The following FER1L6 variants were observed in gnomAD, a reference collection of about 807,000 sequenced individuals.
The protein encoded by FER1L6 is fer-1 like family member 6.
FER1L6 carries 177 observed loss-of-function variants against 219.2 expected under a neutral mutation model. The ratio of observed to expected loss-of-function variants is 0.81; its 90% CI spans 0.71 to 0.91. FER1L6 has a LOEUF of 0.91. Ranked by LOEUF, FER1L6 falls within the 40% of genes least tolerant of loss-of-function variation. The pLI is 0.00. For synonymous variants in FER1L6, 768 were observed against 824.3 expected, an observed-to-expected ratio of 0.93 and a Z score of 1.17; for missense variants, 2,153 against 2,259.9, an observed-to-expected ratio of 0.95 and a Z score of 0.96.
intron 22 of FER1L6, among the ~76,000 whole-genome samples, chr8:124,051,164 G>A (rs980845418): frequency 2.6e-5 from 4 of 152,218 alleles, no homozygotes; most frequent in African/African-American, 7.2e-5. Context: ...TCTCTTGGTC[G>A]CATGAAGATA....
intron 37 of FER1L6, among the ~76,000 whole-genome samples, chr8:124,098,950 T>C (rs1243456901): frequency 6.6e-6 from 1 of 152,202 alleles, no homozygotes; most frequent in Admixed American, 6.5e-5. Flanking sequence ...AAAAAATTAG[T>C]CCTTATTGCA....
In FER1L6 at chr8:124,076,343, CTG is replaced by C. The variant is rs147131096; in HGVS notation, c.4220+22_4220+23del. 3.6e-3 allele frequency: 5,733 copies of C among 1,610,694 alleles called. 171 individuals carry two copies. The African/African-American group carries it at 0.068, about 19-fold the overall frequency. On this transcript the variant is annotated intron_variant, in intron 32 of 40. Transcript: ENST00000522917. ...TTTGGAAGGTCAGTGGCCATCTGGG[CTG>C]TGTTTTATTGTCCTTTCTGCATTTG...
At chr8:123,928,040 G>T (rs1319384659) in intron 1 of FER1L6, among the ~76,000 whole-genome samples, 1 of 152,122 alleles carries the variant, frequency 6.6e-6, no homozygotes, top group East Asian at 1.9e-4. Context: ...AGGAATATAA[G>T]AAGGTTTCAT....
chr8:123,953,423 A>G (rs1002905099), intron 1 of FER1L6, among the ~76,000 whole-genome samples: 3 of 152,192 alleles, frequency 2.0e-5, no homozygotes, highest in African/African-American at 4.8e-5. Flanking sequence ...GGTTCGAGAT[A>G]TCAGTATTTT....
chr8:123,928,459 G>A (rs975669523), intron 1 of FER1L6, among the ~76,000 whole-genome samples: 34 of 152,312 alleles, frequency 2.2e-4, no homozygotes, highest in Admixed American at 1.6e-3. Flanking sequence ...CTGCTGTGGG[G>A]AAGGGCAAAT....
At chr8:123,900,740 T>A (rs1812841275) in intron 1 of FER1L6, among the ~76,000 whole-genome samples, 1 of 152,242 alleles carries the variant, frequency 6.6e-6, no homozygotes, top group Admixed American at 6.5e-5. Flanking sequence ...GAATGCTTTT[T>A]CTGCATCTGT....
rs1823007982 is a variant in FER1L6, at chr8:124,111,151, CT to C, written c.5290-7691del. On this transcript the variant is annotated intron_variant, in intron 39 of 40. Coordinates refer to ENST00000522917, the MANE Select transcript of FER1L6 (RefSeq NM_001039112.2). This position sits in a 1 kb window ranked among gnomAD's most constrained non-coding sequence, Gnocchi z 5.0. The stretch of plus-strand genomic sequence containing the variant: ...TACGTTACAGAGAGAAGAGAAAGTA[CT>C]TACAACTTTTCTAAAGTAAATGCTC... 6.6e-6 allele frequency among the ~76,000 whole-genome samples: 1 copy of C among 152,164 alleles called. No individual in the cohort carries two copies. The highest frequency in any genetic ancestry group is 1.5e-5 in the Non-Finnish European group (1 of 68,034).
chr8:123,912,563 T>C (rs756638036), intron 1 of FER1L6, among the ~76,000 whole-genome samples: 1 of 152,116 alleles, frequency 6.6e-6, no homozygotes, highest in East Asian at 1.9e-4. Flanking sequence ...GCAGGCACTG[T>C]TCTATGAGAT....
chr8:124,086,212 T>C (rs1295651888), intron 33 of FER1L6, among the ~76,000 whole-genome samples: 1 of 152,288 alleles, frequency 6.6e-6, no homozygotes, highest in African/African-American at 2.4e-5. Flanking sequence ...TTCAATGTTA[T>C]TGTTAAGTAA....
intron 12 of FER1L6, among the ~76,000 whole-genome samples, chr8:123,994,445 G>GT (rs1817029668): frequency 6.6e-6 from 1 of 152,200 alleles, no homozygotes; most frequent in Non-Finnish European, 1.5e-5. Flanking sequence ...CAGAGAAGGA[G>GT]TGGGGGGTAG....
chr8:124,071,544 C>A lies in FER1L6; in HGVS notation c.4005C>A (p.Ser1335Arg), dbSNP rs1421340282. 1.9e-6 allele frequency: 3 copies of A among 1,614,130 alleles called. No individual in the cohort carries two copies. Among genetic ancestry groups the A allele is most frequent in the Non-Finnish European group, 2.5e-6 (3 of 1,179,980 alleles). ...FCIYKSPQDS[S>R]SEDSGQLRIQ... Reference sequence around the variant, plus strand: ...TCTACAAAAGCCCCCAGGATTCTAGCTCTGAGGACAGCGGGCAGCTGAGAA... The same window carrying A: ...TCTACAAAAGCCCCCAGGATTCTAGATCTGAGGACAGCGGGCAGCTGAGAA... The change falls in exon 31 of 41, where the codon AGC (serine) becomes AGA (arginine). Residue 1335 changes from serine to arginine, a missense_variant. Physicochemically the swap from Ser to Arg is moderately radical, Grantham distance 110. Transcript: ENST00000522917.
intron 35 of FER1L6, among the ~76,000 whole-genome samples, chr8:124,097,007 A>T (rs1754963561): frequency 6.6e-6 from 1 of 151,880 alleles, no homozygotes; most frequent in African/African-American, 2.4e-5. Context: ...TCTACCCCCT[A>T]GTTGATGCTC....
Position 123,963,281 on chromosome 8 carries a change from G to T in FER1L6, c.80G>T (p.Ser27Ile). The T allele has an allele frequency of 6.2e-7, 1 of 1,613,948 alleles. No homozygotes were observed. Among genetic ancestry groups the T allele is most frequent in the South Asian group, 1.1e-5 (1 of 91,056 alleles). Reference sequence around the variant, plus strand: ...CTTCCTTTGTTTGCTTCTCCAGATAGTCAAGGTGACACTGAAGCACTGCAG... The same window carrying T: ...CTTCCTTTGTTTGCTTCTCCAGATATTCAAGGTGACACTGAAGCACTGCAG... ...LILANKAAKDSQGDTEALQEE... is the reference protein window; with the variant it reads ...LILANKAAKDIQGDTEALQEE... The change falls in exon 3 of 41, where the codon AGT becomes ATT. Residue 27 changes from serine to isoleucine, a missense_variant. Coordinates refer to ENST00000522917, the MANE Select transcript of FER1L6 (RefSeq NM_001039112.2).
chr8:124,029,897 G>A (rs1428046568), intron 18 of FER1L6, among the ~76,000 whole-genome samples: 1 of 152,092 alleles, frequency 6.6e-6, no homozygotes, highest in East Asian at 1.9e-4. Context: ...TATGGTTTTG[G>A]GTTTTACATT....
intron 16 of FER1L6, among the ~76,000 whole-genome samples, chr8:124,018,142 G>A (rs899760642): frequency 2.6e-5 from 4 of 152,188 alleles, no homozygotes; most frequent in African/African-American, 9.6e-5. Flanking sequence ...TTACCCCTCT[G>A]TGTCCTGGGA....
At chr8:124,030,622 A>G (rs967459897) in intron 18 of FER1L6, among the ~76,000 whole-genome samples, 1 of 151,490 alleles carries the variant, frequency 6.6e-6, no homozygotes, top group Non-Finnish European at 1.5e-5. Context: ...TCCACTCCTC[A>G]CTCCCATCGC....
chr8:124,066,649 T>C, intron 27 of FER1L6, 99 bp downstream of exon 27: 3 of 1,336,380 alleles, frequency 2.2e-6, no homozygotes, highest in Non-Finnish European at 3.1e-6. Context: ...TAAATGCCAC[T>C]ATACATAGAC....
intron 28 of FER1L6, among the ~76,000 whole-genome samples, chr8:124,068,960 G>A (rs771928457): frequency 9.4e-5 from 14 of 148,546 alleles, no homozygotes; most frequent in African/African-American, 1.7e-4. Flanking sequence ...TTTCCGAGAC[G>A]GAGTCTTGCT....
chr8:124,008,299 T>A (rs762251462), intron 13 of FER1L6, among the ~76,000 whole-genome samples: 1 of 152,218 alleles, frequency 6.6e-6, no homozygotes, highest in African/African-American at 2.4e-5. Flanking sequence ...CTGAGTAGTA[T>A]CCCATCATAT....
Sources: gnomAD v4.1 joint callset for allele counts (sites outside exome capture counted in the v4.1 genomes callset) on GRCh38, gnomAD v4.1.1 for gene constraint, Gnocchi (gnomAD v3.1) non-coding constraint, MANE v1.5 for transcripts, NCBI Gene and HGNC (gene_info 2026-07-23, HGNC 2026-07-21) for gene names.